Variants in CSMD2 observed in about 807,000 individuals in gnomAD.
The protein encoded by CSMD2 is CUB and sushi domain-containing protein 2.
A neutral mutation model predicts 398.5 loss-of-function variants in CSMD2; 130 were observed. The observed-to-expected ratio is 0.33, with a 90% CI of 0.28 to 0.38. The LOEUF (loss-of-function observed/expected upper bound fraction) is 0.38, where lower values mean the gene tolerates loss of function less well. Among genes scored for constraint, CSMD2 ranks in the 10% least tolerant of loss-of-function variants. CSMD2 has a pLI of 1.00. For missense variants in CSMD2, 3,829 were observed against 4,764.9 expected, an observed-to-expected ratio of 0.80 and a Z score of 5.78; for synonymous variants, 1,828 against 1,908.5, an observed-to-expected ratio of 0.96 and a Z score of 1.10.
intron 57 of CSMD2, among the ~76,000 whole-genome samples, chr1:33,544,629 G>A (rs1475707616): frequency 3.9e-5 from 6 of 152,010 alleles, no homozygotes; most frequent in Admixed American, 1.3e-4. Context: ...GAGGTAGAGA[G>A]TGGAAAAACA....
At chr1:33,983,195 G>A (rs147197020) in intron 3 of CSMD2, among the ~76,000 whole-genome samples, 2 of 152,168 alleles carry the variant, frequency 1.3e-5, no homozygotes, top group Non-Finnish European at 2.9e-5. Flanking sequence ...TTAGAAGGCA[G>A]TGCAACAATC....
chr1:33,536,980 G>T (rs772972520), intron 62 of CSMD2, 42 bp downstream of exon 62: 1 of 1,566,704 alleles, frequency 6.4e-7, no homozygotes, highest in South Asian at 1.1e-5. Context: ...TGACAAGAAG[G>T]GATAGGATGT....
At chr1:34,077,415 C>T (rs1312857878) in intron 2 of CSMD2, among the ~76,000 whole-genome samples, 4 of 130,402 alleles carry the variant, frequency 3.1e-5, no homozygotes, top group Admixed American at 8.5e-5. Context: ...CAAGATTGTG[C>T]CACTGCAATC....
At chr1:33,918,623 C>A (rs1456880619) in intron 4 of CSMD2, among the ~76,000 whole-genome samples, 1 of 152,108 alleles carries the variant, frequency 6.6e-6, no homozygotes, top group Non-Finnish European at 1.5e-5. Context: ...CTAAGATAAA[C>A]AGCTCTAGAT....
At chr1:33,771,560 A>G (rs1396027517) in intron 13 of CSMD2, among the ~76,000 whole-genome samples, 4 of 149,842 alleles carry the variant, frequency 2.7e-5, no homozygotes, top group Admixed American at 6.6e-5. Flanking sequence ...TTTTTTTTTC[A>G]TTTAAAAAGT....
intron 5 of CSMD2, among the ~76,000 whole-genome samples, chr1:33,859,212 T>G (rs1639312176): frequency 6.6e-6 from 1 of 152,204 alleles, no homozygotes; most frequent in South Asian, 2.1e-4. Flanking sequence ...AAAATGGGTT[T>G]CAGCAGGCCA....
chr1:33,984,226 T>G (rs1646271234), intron 3 of CSMD2, among the ~76,000 whole-genome samples: 1 of 151,892 alleles, frequency 6.6e-6, no homozygotes, highest in African/African-American at 2.4e-5. Flanking sequence ...CAGAATCTCA[T>G]GGAGGAAGCC....
At chr1:33,726,472 C>T in intron 16 of CSMD2, 75 bp downstream of exon 16, 1 of 1,505,686 alleles carries the variant, frequency 6.6e-7, no homozygotes, top group Non-Finnish European at 9.0e-7. Flanking sequence ...CCCCTATCCA[C>T]CCTGCATTCC....
chr1:33,579,034 G>A (rs941258349), intron 48 of CSMD2, among the ~76,000 whole-genome samples: 1 of 152,096 alleles, frequency 6.6e-6, no homozygotes, highest in South Asian at 2.1e-4. Context: ...TCATCTACTC[G>A]ATCTGAATTA....
intron 1 of CSMD2, among the ~76,000 whole-genome samples, chr1:34,092,704 C>T (rs1658752846): frequency 6.6e-6 from 1 of 152,202 alleles, no homozygotes; most frequent in Admixed American, 6.5e-5. Context: ...TTCCGACGGG[C>T]TTAAAAAACG....
At chr1:33,949,629 C>A (rs1644943527) in intron 3 of CSMD2, among the ~76,000 whole-genome samples, 1 of 152,224 alleles carries the variant, frequency 6.6e-6, no homozygotes, top group Admixed American at 6.5e-5. Flanking sequence ...CAGCCAGTGG[C>A]TCACAACTTC....
chr1:34,035,790 G>A (rs1418149288), intron 2 of CSMD2, among the ~76,000 whole-genome samples: 1 of 150,382 alleles, frequency 6.6e-6, no homozygotes, highest in Non-Finnish European at 1.5e-5. Flanking sequence ...AAGACTGAAT[G>A]CTTTTCCCTT....
In CSMD2 at chr1:33,567,592, C is replaced by T. The variant is rs1161776400; in HGVS notation, c.8380+1G>A. On this transcript the variant is annotated splice_donor_variant, in intron 53 of 70. Coordinates refer to ENST00000373381, the MANE Select transcript of CSMD2 (RefSeq NM_001281956.2). LOFTEE classifies it high-confidence loss of function. ...CTAGGGAGAGTGGATGACATACTTA[C>T]GCACACAGAAAGGGGTCTTGCCCGA... 3.7e-6 allele frequency: 6 copies of T among 1,613,950 alleles called. No individual in the cohort carries two copies. The highest frequency in any genetic ancestry group is 5.1e-6 in the Non-Finnish European group (6 of 1,179,952).
chr1:34,036,021 A>G (rs1025623985), intron 2 of CSMD2, among the ~76,000 whole-genome samples: 37 of 152,068 alleles, frequency 2.4e-4, no homozygotes, highest in African/African-American at 7.0e-4. Flanking sequence ...ACGATACCCA[A>G]TGCTGGTGAT....
At chr1:33,990,779 GCCTACTGA>G (rs1646525476) in intron 3 of CSMD2, among the ~76,000 whole-genome samples, 1 of 152,126 alleles carries the variant, frequency 6.6e-6, no homozygotes, top group East Asian at 1.9e-4. Context: ...CCAGGGGTGA[GCCTACTGA>G]GCTCACCCAG....
intron 3 of CSMD2, among the ~76,000 whole-genome samples, chr1:33,964,536 C>A (rs1645489356): frequency 6.6e-6 from 1 of 152,146 alleles, no homozygotes; most frequent in African/African-American, 2.4e-5. Context: ...TTTGTATATT[C>A]CAGGTTTCTG....
chr1:34,111,274 T>C (rs2148443204), intron 1 of CSMD2, among the ~76,000 whole-genome samples: 1 of 152,254 alleles, frequency 6.6e-6, no homozygotes, highest in African/African-American at 2.4e-5. Context: ...ACCAAACCAG[T>C]TGGTGTGGCT....
intron 1 of CSMD2, among the ~76,000 whole-genome samples, chr1:34,155,977 GA>G (rs1186215643): frequency 6.6e-6 from 1 of 152,224 alleles, no homozygotes; most frequent in Non-Finnish European, 1.5e-5. Flanking sequence ...CTGGAAGGCT[GA>G]ATTCCTGACT....
intron 1 of CSMD2, among the ~76,000 whole-genome samples, chr1:34,157,839 T>G (rs1640949508): frequency 6.6e-6 from 1 of 152,108 alleles, no homozygotes. Flanking sequence ...TCCCACCCCA[T>G]CATGTTCCAC....
Sources: allele counts gnomAD v4.1 joint callset (sites outside exome capture counted in the v4.1 genomes callset), GRCh38; gene constraint gnomAD v4.1.1; transcripts MANE v1.5; gene names NCBI Gene and HGNC (gene_info 2026-07-23, HGNC 2026-07-21).